C3orf20: variants seen among roughly 807,000 people sequenced by gnomAD.
C3orf20 encodes family with sequence similarity 149 member C.
In C3orf20, 76 loss-of-function variants were observed where a neutral mutation model predicts 88.3. The ratio of observed to expected loss-of-function variants is 0.86; its 90% CI spans 0.72 to 1.04. The LOEUF is 1.04. C3orf20 is among the 50% of genes least tolerant of loss of function. The pLI, the probability that C3orf20 is intolerant of heterozygous loss-of-function variation, is 0.00. For synonymous variants in C3orf20, 436 were observed against 437.4 expected, an observed-to-expected ratio of 1.00 and a Z score of 0.04; for missense variants, 1,056 against 1,123.3, an observed-to-expected ratio of 0.94 and a Z score of 0.86.
intron 12 of C3orf20, among the ~76,000 whole-genome samples, chr3:14,730,846 T>C (rs886153496): frequency 2.0e-5 from 3 of 152,236 alleles, no homozygotes; most frequent in Non-Finnish European, 4.4e-5. Flanking sequence ...CATTCTGTAA[T>C]GATGAAATGT....
At chr3:14,688,104 A>G (rs1418381002) in intron 4 of C3orf20, among the ~76,000 whole-genome samples, 4 of 152,218 alleles carry the variant, frequency 2.6e-5, no homozygotes, top group Non-Finnish European at 4.4e-5. Flanking sequence ...CTTTACTTAC[A>G]TAGCACTCCT....
intron 5 of C3orf20, 49 bp downstream of exon 5, chr3:14,690,165 G>A (rs758599217): frequency 6.2e-7 from 1 of 1,611,878 alleles, no homozygotes; most frequent in Non-Finnish European, 8.5e-7. Context: ...TGGCGGTGGG[G>A]TGGGGGATAG....
chr3:14,720,783 A>G (rs965301610), intron 9 of C3orf20, among the ~76,000 whole-genome samples: 1 of 152,242 alleles, frequency 6.6e-6, no homozygotes, highest in African/African-American at 2.4e-5. Context: ...TTGTCTTGAC[A>G]ATATCTGCTC....
intron 15 of C3orf20, among the ~76,000 whole-genome samples, chr3:14,762,339 G>C (rs1040215952): frequency 3.3e-5 from 5 of 152,210 alleles, no homozygotes; most frequent in Non-Finnish European, 4.4e-5. Context: ...CCCAGCTCTC[G>C]TGAGATGATC....
chr3:14,732,611 G>T (rs1351655143), intron 12 of C3orf20, among the ~76,000 whole-genome samples: 1 of 152,200 alleles, frequency 6.6e-6, no homozygotes, highest in Non-Finnish European at 1.5e-5. Context: ...AATATTTGGA[G>T]ATATTTTTTA....
chr3:14,751,520 A>AG lies in C3orf20; in HGVS notation c.1941-5849dup, dbSNP rs572386029. Among the ~76,000 whole-genome samples, 1,216 of 152,356 alleles carry AG rather than the reference A, an allele frequency of 8.0e-3. 6 individuals carry two copies. The highest frequency in any genetic ancestry group is 0.011 in the Non-Finnish European group (769 of 68,034). On this transcript the variant is annotated intron_variant, in intron 12 of 16. Transcript: ENST00000253697. ...AAAAAGAAATAAAGGATATTCAATT[A>AG]GGAAAAGAGGAAGTCAAATTGTCTC...
rs544534770 is a variant in C3orf20 at position 14,676,963 on chromosome 3, A to G, written c.-299+1711A>G. ...GTCCAGAATGCTGTTTTATATGCTT[A>G]ACAGTACAGAGAACAGCATCTATTA... On this transcript the variant is annotated intron_variant, in intron 1 of 16. Transcript: ENST00000253697. 4.6e-5 allele frequency among the ~76,000 whole-genome samples: 7 copies of G among 152,314 alleles called. No individual in the cohort carries two copies. In the South Asian group the frequency reaches 1.4e-3, roughly 32 times the overall value.
In C3orf20 at chr3:14,772,380, G is replaced by A. The variant is rs769095128; in HGVS notation, c.2630+179G>A. 6.6e-6 allele frequency among the ~76,000 whole-genome samples: 1 copy of A among 152,222 alleles called. No individual in the cohort carries two copies. Among genetic ancestry groups the A allele is most frequent in the Non-Finnish European group, 1.5e-5 (1 of 68,040 alleles). On this transcript the variant is annotated intron_variant, in intron 16 of 16. Transcript: ENST00000253697. The surrounding 1 kb of genome is among the most constrained non-coding windows in gnomAD (Gnocchi z 4.2). The stretch of plus-strand genomic sequence containing the variant: ...CGGGCATGCAGGCTGCCCTGGAGCT[G>A]CTCGCAGTGGTCTGGGTGGTAGAGA...
At position 14,772,925 on chromosome 3, in the gene C3orf20, G is replaced by T. The variant is rs2035901343; in HGVS notation, c.*50G>T. 1 of 1,477,528 alleles carries T rather than the reference G, an allele frequency of 6.8e-7. No homozygotes were observed. Among genetic ancestry groups the T allele is most frequent in the Non-Finnish European group, 9.5e-7 (1 of 1,058,122 alleles). The allele number at this position is 1,477,528 out of a possible 1,614,324, so 91.5% of individuals were successfully genotyped here. A position where few individuals can be genotyped will look rare whatever the true frequency, so the allele number is the denominator to read the frequency against. On this transcript the variant is annotated 3_prime_UTR_variant, in exon 17 of 17. Transcript: ENST00000253697. The surrounding 1 kb of genome is among the most constrained non-coding windows in gnomAD (Gnocchi z 4.2). ...AGCCAGGCCCCGGCCCGGGGTGCTG[G>T]GGCTTCTTGCCAGCCCAGCCCTGCC...
chr3:14,743,456 C>T (rs1003094185), intron 12 of C3orf20, among the ~76,000 whole-genome samples: 17 of 152,052 alleles, frequency 1.1e-4, no homozygotes, highest in South Asian at 2.1e-4. Context: ...CATGGGCTGA[C>T]GTTGAGTGGC....
At chr3:14,687,243 A>G (rs1197525540) in intron 4 of C3orf20, among the ~76,000 whole-genome samples, 1 of 152,212 alleles carries the variant, frequency 6.6e-6, no homozygotes, top group Non-Finnish European at 1.5e-5. Flanking sequence ...CCCAGCAGTC[A>G]TTTTTATTTT....
intron 7 of C3orf20, among the ~76,000 whole-genome samples, chr3:14,710,329 T>A (rs2033689162): frequency 6.6e-6 from 1 of 152,126 alleles, no homozygotes; most frequent in Non-Finnish European, 1.5e-5. Context: ...TCTATTTTTC[T>A]ATTCTCAATT....
intron 4 of C3orf20, among the ~76,000 whole-genome samples, chr3:14,685,490 G>A (rs891873784): frequency 1.6e-5 from 2 of 124,408 alleles, no homozygotes; most frequent in South Asian, 2.4e-4. Flanking sequence ...CTGTGCGTGC[G>A]TGCGTGTGTG....
At chr3:14,759,762 G>A in intron 13 of C3orf20, 129 bp from the exon 14 acceptor site, 1 of 707,294 alleles carries the variant, frequency 1.4e-6, no homozygotes, top group Non-Finnish European at 2.5e-6. Flanking sequence ...TGGAGCAGGA[G>A]GAGTTGGGGA....
chr3:14,736,118 A>G (rs955687826), intron 12 of C3orf20, among the ~76,000 whole-genome samples: 1 of 152,206 alleles, frequency 6.6e-6, no homozygotes, highest in African/African-American at 2.4e-5. Context: ...AAATGACTGT[A>G]AGATCTGTGA....
chr3:14,751,115 T>C (rs1173507320), intron 12 of C3orf20, among the ~76,000 whole-genome samples: 6 of 152,268 alleles, frequency 3.9e-5, no homozygotes, highest in Admixed American at 1.3e-4. Flanking sequence ...ACTTTTTAAC[T>C]CTAGAATTTC....
intron 2 of C3orf20, 105 bp downstream of exon 2, chr3:14,682,436 T>A (rs1348651987): frequency 4.6e-6 from 2 of 430,450 alleles, no homozygotes; most frequent in Admixed American, 8.3e-5. Flanking sequence ...CCTGGAACCA[T>A]ACTTATCATC....
chr3:14,695,682 G>GTA (rs2032963036), intron 5 of C3orf20, among the ~76,000 whole-genome samples: 1 of 151,970 alleles, frequency 6.6e-6, no homozygotes, highest in Admixed American at 6.6e-5. Flanking sequence ...CCAGTGTTGG[G>GTA]TATATATATA....
At chr3:14,679,432 A>G in intron 1 of C3orf20, among the ~76,000 whole-genome samples, 1 of 152,198 alleles carries the variant, frequency 6.6e-6, no homozygotes, top group East Asian at 1.9e-4. Context: ...AAGGCATTAG[A>G]GGTTCATTTG....
Sources: gnomAD v4.1 joint callset for allele counts (sites outside exome capture counted in the v4.1 genomes callset) on GRCh38, gnomAD v4.1.1 for gene constraint, Gnocchi (gnomAD v3.1) non-coding constraint, MANE v1.5 for transcripts, NCBI Gene and HGNC (gene_info 2026-07-23, HGNC 2026-07-21) for gene names.